The following GOLGA8A variants were observed in gnomAD, a reference collection of about 807,000 sequenced individuals.
GOLGA8A encodes the protein golgin subfamily A member 8A.
A neutral mutation model predicts 22.1 loss-of-function variants in GOLGA8A; 3 were observed. That is an observed-to-expected ratio of 0.14 (90% CI 0.06 to 0.35). GOLGA8A has a LOEUF of 0.35. GOLGA8A is among the 10% of genes least tolerant of loss of function. The pLI, the probability that GOLGA8A is intolerant of heterozygous loss-of-function variation, is 1.00. For missense variants in GOLGA8A, 16 were observed against 233.2 expected (o/e 0.07, Z 6.07); for synonymous variants, 7 against 91.7 (o/e 0.08, Z 5.28).
chr15:34,421,761 C>T (rs936862524), intron 2 of GOLGA8A, among the ~76,000 whole-genome samples: 1 of 135,556 alleles, frequency 7.4e-6, no homozygotes, highest in African/African-American at 2.8e-5. Context: ...TCAACTCATG[C>T]CCAGCTAACC....
At chr15:34,426,921 T>C (rs1893007397) in intron 2 of GOLGA8A, among the ~76,000 whole-genome samples, 1 of 144,468 alleles carries the variant, frequency 6.9e-6, no homozygotes, top group Non-Finnish European at 1.5e-5. Flanking sequence ...ATCTATTTAA[T>C]GATTAGCTCT....
At chr15:34,428,134 C>T (rs1380070022) in intron 2 of GOLGA8A, among the ~76,000 whole-genome samples, 1 of 145,106 alleles carries the variant, frequency 6.9e-6, no homozygotes, top group African/African-American at 2.5e-5. Flanking sequence ...CTCACTCTGT[C>T]ACCCAGGGGA....
chr15:34,431,337 A>ATCTCTC (rs1385683475), intron 2 of GOLGA8A, among the ~76,000 whole-genome samples: 20 of 99,274 alleles, frequency 2.0e-4, no homozygotes, highest in African/African-American at 7.4e-4. Flanking sequence ...ATATATATAT[A>ATCTCTC]TATATATATC....
At chr15:34,436,620 G>GC (rs1893526899) in intron 1 of GOLGA8A, among the ~76,000 whole-genome samples, 1 of 150,026 alleles carries the variant, frequency 6.7e-6, no homozygotes, top group Admixed American at 6.7e-5. Flanking sequence ...CTCCGCGTCG[G>GC]CCCGGAGAAA....
At position 34,426,897 on chromosome 15, in the gene GOLGA8A, A is replaced by C. The variant is rs191424081; in HGVS notation, c.-1123+8486T>G. ...CTCCATCTCAAAACGCAAAACAAAA[A>C]CTACAGATGGCAGATCTATTTAATG... On this transcript the variant is annotated intron_variant, in intron 2 of 24. Transcript: ENST00000359187. 5.8e-4 allele frequency among the ~76,000 whole-genome samples: 83 copies of C among 144,210 alleles called. 10 individuals are homozygous for C. The East Asian group carries it at 0.015, about 26-fold the overall frequency. The allele number at this position is 144,210 out of a possible 152,430, so 94.6% of individuals were successfully genotyped here.
intron 1 of GOLGA8A, among the ~76,000 whole-genome samples, 182 bp downstream of exon 1, chr15:34,437,216 C>A (rs907081928): frequency 1.4e-5 from 2 of 146,892 alleles, no homozygotes; most frequent in Non-Finnish European, 3.0e-5. Flanking sequence ...GGCCGCCGGG[C>A]TGCACCCCTA....
rs1315667672 is a variant in GOLGA8A at position 34,380,441 on chromosome 15, T to A, written c.*970A>T. The stretch of plus-strand genomic sequence containing the variant: ...TTAAGAAGAATGCCAACCAGCGCCC[T>A]TTCGTGTACTGGGACAGGTAGTCAT... On this transcript the variant is annotated 3_prime_UTR_variant, in exon 25 of 25. Transcript: ENST00000359187. 6.6e-6 allele frequency: 1 copy of A among 152,254 alleles called. No homozygotes were observed. The highest frequency in any genetic ancestry group is 2.4e-5 in the African/African-American group (1 of 41,462). 9.4% of individuals were successfully genotyped at this position (152,254 alleles called of 1,614,324 possible).
chr15:34,427,931 G>T (rs1423655697), intron 2 of GOLGA8A, among the ~76,000 whole-genome samples: 1 of 148,506 alleles, frequency 6.7e-6, no homozygotes, highest in East Asian at 2.0e-4. Flanking sequence ...TGTGTCATGG[G>T]AAGTCTCTGA....
chr15:34,434,147 C>G (rs988441182), intron 2 of GOLGA8A, among the ~76,000 whole-genome samples: 1 of 149,520 alleles, frequency 6.7e-6, no homozygotes, highest in African/African-American at 2.5e-5. Flanking sequence ...GGGCAATGAG[C>G]CTGTCTGCCT....
Position 34,398,183 on chromosome 15 carries a change from G to GT in GOLGA8A, c.-382+450dup, listed in dbSNP as rs563610447. On this transcript the variant is annotated intron_variant, in intron 8 of 24. Transcript: ENST00000359187. Reference sequence around the variant, plus strand: ...ATTAAGGTTAAGCCTGCGTTTCATGGTAACTGAACAGGAAACCAGCCTGAC... The same window carrying GT: ...ATTAAGGTTAAGCCTGCGTTTCATGGTTAACTGAACAGGAAACCAGCCTGAC... 7.1e-3 allele frequency among the ~76,000 whole-genome samples: 1,006 copies of GT among 141,314 alleles called. 8 individuals are homozygous for GT. The highest frequency in any genetic ancestry group is 0.023 in the African/African-American group (894 of 39,326). 92.7% of individuals were successfully genotyped at this position (141,314 alleles called of 152,430 possible). A position where few individuals can be genotyped will look rare whatever the true frequency, so the allele number is the denominator to read the frequency against.
rs1291093255 is a variant in GOLGA8A, at chr15:34,380,217, G to A, written c.*1194C>T. ...TTCCTATGTCAGAGTAACCGAGGTG[G>A]TTGAAGAATAGGTATTAGCCAGAGA... On this transcript the variant is annotated 3_prime_UTR_variant, in exon 25 of 25. Coordinates refer to ENST00000359187, the MANE Select transcript of GOLGA8A (RefSeq NM_181077.5). 6.6e-6 allele frequency: 1 copy of A among 152,198 alleles called. No individual in the cohort carries two copies. The allele number at this position is 152,198 out of a possible 1,614,324, so 9.4% of individuals were successfully genotyped here.
chr15:34,431,985 A>G (rs1414406217), intron 2 of GOLGA8A, among the ~76,000 whole-genome samples: 1 of 148,878 alleles, frequency 6.7e-6, no homozygotes, highest in Admixed American at 6.8e-5. Context: ...AAATGTCAAT[A>G]GTGTTCTCCG....
chr15:34,427,552 A>G (rs1283221666), intron 2 of GOLGA8A, among the ~76,000 whole-genome samples: 1 of 148,240 alleles, frequency 6.7e-6, no homozygotes, highest in Non-Finnish European at 1.5e-5. Flanking sequence ...CAAAAGGAGG[A>G]CAAAGATCCT....
chr15:34,421,815 C>T (rs1892808105), intron 2 of GOLGA8A, among the ~76,000 whole-genome samples: 1 of 136,480 alleles, frequency 7.3e-6, no homozygotes, highest in African/African-American at 2.7e-5. Context: ...CACCAATTCC[C>T]GGGTGTCAGA....
intron 5 of GOLGA8A, among the ~76,000 whole-genome samples, chr15:34,403,214 A>G (rs983832413): frequency 4.5e-5 from 3 of 66,388 alleles, no homozygotes; most frequent in Non-Finnish European, 8.7e-5. Context: ...GTGACACATT[A>G]CTGACTAAGA....
At chr15:34,431,291 TTATA>T (rs1228048903) in intron 2 of GOLGA8A, among the ~76,000 whole-genome samples, 1 of 112,136 alleles carries the variant, frequency 8.9e-6, no homozygotes, top group African/African-American at 3.5e-5. Flanking sequence ...TGAAAAAAAA[TTATA>T]TATATATATA....
At chr15:34,427,133 C>A (rs113283603) in intron 2 of GOLGA8A, among the ~76,000 whole-genome samples, 17,434 of 147,108 alleles carry the variant, frequency 0.12, 2,219 homozygotes, top group Non-Finnish European at 0.15. Flanking sequence ...GAGATCAAGA[C>A]CATCCTGGCT....
Position 34,437,434 on chromosome 15 carries a change from TCCTCGCCG to T in GOLGA8A, c.-1256_-1249del, listed in dbSNP as rs1893590097. ...GCGGGGCTGCCCCGGTCCGCCGCCG[TCCTCGCCG>T]CGCCGCCGTCCTCGCCGCGCCGCCG... On this transcript the variant is annotated 5_prime_UTR_variant, in exon 1 of 25. Transcript: ENST00000359187. The T allele has an allele frequency of 1.5e-5, 2 of 136,672 alleles. No individual in the cohort carries two copies. The highest frequency in any genetic ancestry group is 1.5e-4 in the Admixed American group (2 of 13,788). The allele number at this position is 136,672 out of a possible 1,614,324, so 8.5% of individuals were successfully genotyped here. A position where few individuals can be genotyped will look rare whatever the true frequency, so the allele number is the denominator to read the frequency against.
chr15:34,431,341 A>ATCTCTC (rs1566914029), intron 2 of GOLGA8A, among the ~76,000 whole-genome samples: 7 of 103,094 alleles, frequency 6.8e-5, no homozygotes, highest in African/African-American at 2.1e-4. Flanking sequence ...ATATATATAT[A>ATCTCTC]TATATCTCAC....
Sources: allele counts gnomAD v4.1 joint callset (sites outside exome capture counted in the v4.1 genomes callset), GRCh38; gene constraint gnomAD v4.1.1; transcripts MANE v1.5; gene names NCBI Gene and HGNC (gene_info 2026-07-23, HGNC 2026-07-21).